CD276: variants seen among roughly 807,000 people sequenced by gnomAD.
The protein encoded by CD276 is CD276 antigen.
Under a neutral mutation model 50.0 loss-of-function variants are expected in CD276, and 34 were observed. The observed-to-expected ratio is 0.68, with a 90% CI of 0.52 to 0.91. The LOEUF is 0.91. CD276 is among the 40% of genes least tolerant of loss of function. CD276 has a pLI of 0.00. For missense variants in CD276, 634 were observed against 717.5 expected (o/e 0.88, Z 1.33); for synonymous variants, 275 against 313.0 (o/e 0.88, Z 1.28).
intron 2 of CD276, 25 bp from the exon 3 acceptor site, chr15:73,702,230 T>C: frequency 6.4e-7 from 1 of 1,562,006 alleles, no homozygotes; most frequent in Non-Finnish European, 8.7e-7. Flanking sequence ...CCCCCTTATA[T>C]GTTCTCCACT....
Position 73,702,494 on chromosome 15 carries a change from C to G in CD276, c.319C>G (p.Leu107Val). Reference protein sequence around the residue: ...PDLLAQGNASLRLQRVRVADE... With the variant: ...PDLLAQGNASVRLQRVRVADE... ...CCTGCTGGCACAGGGCAACGCATCC[C>G]TGAGGCTGCAGCGCGTGCGTGTGGC... The change falls in exon 3 of 10, where the codon CTG becomes GTG. Residue 107 changes from leucine to valine, a missense_variant. By Grantham distance (32) the Leu-to-Val change is conservative. Transcript: ENST00000318443. 1 of 1,613,578 alleles carries G rather than the reference C, an allele frequency of 6.2e-7. No homozygotes were observed. The highest frequency in any genetic ancestry group is 2.2e-5 in the East Asian group (1 of 44,876).
At chr15:73,697,101 GC>G (rs968947537) in intron 1 of CD276, among the ~76,000 whole-genome samples, 2 of 152,212 alleles carry the variant, frequency 1.3e-5, no homozygotes, top group African/African-American at 4.8e-5. Flanking sequence ...GCAGGCAGCT[GC>G]CTGCTGGATC....
Position 73,704,156 on chromosome 15 carries a change from C to G in CD276, c.1073-20C>G, listed in dbSNP as rs761420087. ...CCTGCCATTGCCCTGCCCTTGACCC[C>G]TGCCCTCTGTCACCTCCAGCTCCCT... On this transcript the variant is annotated intron_variant, in intron 5 of 9. Transcript: ENST00000318443. The surrounding 1 kb of genome is among the most constrained non-coding windows in gnomAD (Gnocchi z 4.1). 6.2e-7 allele frequency: 1 copy of G among 1,604,924 alleles called. No homozygotes were observed. Among genetic ancestry groups the G allele is most frequent in the Non-Finnish European group, 8.5e-7 (1 of 1,175,120 alleles).
chr15:73,706,673 A>C (rs921831946), intron 6 of CD276, among the ~76,000 whole-genome samples: 1 of 152,170 alleles, frequency 6.6e-6, no homozygotes, highest in African/African-American at 2.4e-5. Flanking sequence ...GTATCATGTC[A>C]AACATTCTGG....
intron 1 of CD276, among the ~76,000 whole-genome samples, chr15:73,688,035 G>A (rs1430990727): frequency 1.3e-5 from 2 of 152,178 alleles, no homozygotes; most frequent in African/African-American, 4.8e-5. Flanking sequence ...AAGCATCTGC[G>A]AAGAGGAAGG....
At chr15:73,695,481 A>G (rs1017109574) in intron 1 of CD276, among the ~76,000 whole-genome samples, 3 of 152,094 alleles carry the variant, frequency 2.0e-5, no homozygotes, top group African/African-American at 7.2e-5. Context: ...TAAATAGTAT[A>G]CTATACCAAA....
chr15:73,707,185 G>A (rs1050612587), intron 6 of CD276, among the ~76,000 whole-genome samples: 9 of 152,242 alleles, frequency 5.9e-5, no homozygotes, highest in Admixed American at 2.0e-4. Flanking sequence ...ATAGCACCGC[G>A]CACTGCACTG....
chr15:73,712,904 CCT>C (rs1491439045), intron 9 of CD276, 28 bp from the exon 10 acceptor site: 1 of 1,612,176 alleles, frequency 6.2e-7, no homozygotes, highest in East Asian at 2.2e-5. Context: ...TTTTCCCTTC[CCT>C]TTTTTTTCTT....
chr15:73,699,627 G>A lies in CD276; in HGVS notation c.-13G>A, dbSNP rs138043841. 4.5e-5 allele frequency: 73 copies of A among 1,613,194 alleles called. No individual in the cohort carries two copies. The highest frequency in any genetic ancestry group is 5.4e-5 in the Non-Finnish European group (64 of 1,179,780). ...ACCACGGGGAGCCCAGCTGTCAGCCGCCTCACAGGAAGATGCTGCGTCGGC... is the reference window on the plus strand; with the variant it reads ...ACCACGGGGAGCCCAGCTGTCAGCCACCTCACAGGAAGATGCTGCGTCGGC... On this transcript the variant is annotated 5_prime_UTR_variant, in exon 2 of 10. Coordinates refer to ENST00000318443, the MANE Select transcript of CD276 (RefSeq NM_001024736.2).
chr15:73,705,065 G>A (rs1314000902), intron 6 of CD276, among the ~76,000 whole-genome samples: 1 of 152,160 alleles, frequency 6.6e-6, no homozygotes, highest in Non-Finnish European at 1.5e-5. Flanking sequence ...TTCTAGCCTC[G>A]TGGGCACCTC....
rs1490122890 is a variant in CD276, at chr15:73,702,245, C to T, written c.80-10C>T. 1.3e-6 allele frequency: 2 copies of T among 1,596,404 alleles called. No individual in the cohort carries two copies. Among genetic ancestry groups the T allele is most frequent in the Non-Finnish European group, 1.7e-6 (2 of 1,171,486 alleles). On this transcript the variant is annotated splice_polypyrimidine_tract_variant and intron_variant, in intron 2 of 9. Transcript: ENST00000318443. Reference sequence around the variant, plus strand: ...CCCCCTTATATGTTCTCCACTCCCCCTACCCCCAGGAGCCCTGGAGGTCCA... The same window carrying T: ...CCCCCTTATATGTTCTCCACTCCCCTTACCCCCAGGAGCCCTGGAGGTCCA...
rs1310940623 is a variant in CD276 at position 73,714,301 on chromosome 15, T to TA, written c.*1346dup. On this transcript the variant is annotated 3_prime_UTR_variant, in exon 10 of 10. Coordinates refer to ENST00000318443, the MANE Select transcript of CD276 (RefSeq NM_001024736.2). Reference sequence around the variant, plus strand: ...CTGCCCCCCACCCCCACCATGGTGCTATTCTGGGGCTGGGGCAGTCTTTTC... The same window carrying TA: ...CTGCCCCCCACCCCCACCATGGTGCTAATTCTGGGGCTGGGGCAGTCTTTTC... 1 of 163,268 alleles carries TA rather than the reference T, an allele frequency of 6.1e-6. No homozygotes were observed. Among genetic ancestry groups the TA allele is most frequent in the Non-Finnish European group, 1.3e-5 (1 of 76,266 alleles). 10.1% of individuals were successfully genotyped at this position (163,268 alleles called of 1,614,324 possible).
At position 73,713,025 on chromosome 15, in the gene CD276, G is replaced by A; in HGVS notation, c.*69G>A. 6.9e-7 allele frequency: 1 copy of A among 1,448,932 alleles called. No homozygotes were observed. 89.8% of individuals were successfully genotyped at this position (1,448,932 alleles called of 1,614,324 possible). A position where few individuals can be genotyped will look rare whatever the true frequency, so the allele number is the denominator to read the frequency against. ...CCTCTGGCTGCAATGGGGCTGCACT[G>A]TGAGCCCTGCCCCCAACAGATGCAT... On this transcript the variant is annotated 3_prime_UTR_variant, in exon 10 of 10. Transcript: ENST00000318443.
chr15:73,709,886 C>G (rs1900823019), intron 8 of CD276, among the ~76,000 whole-genome samples, 197 bp downstream of exon 8: 1 of 152,194 alleles, frequency 6.6e-6, no homozygotes, highest in Non-Finnish European at 1.5e-5. Context: ...CAGTTCCCTC[C>G]CAGGTGTGGC....
rs561031419 is a variant in CD276 at position 73,713,988 on chromosome 15, G to A, written c.*1032G>A. The A allele has an allele frequency of 1.9e-5, 6 of 310,512 alleles. No homozygotes were observed. Among genetic ancestry groups the A allele is most frequent in the African/African-American group, 1.4e-4 (6 of 42,690 alleles). 19.2% of individuals were successfully genotyped at this position (310,512 alleles called of 1,614,324 possible). On this transcript the variant is annotated 3_prime_UTR_variant, in exon 10 of 10. Coordinates refer to ENST00000318443, the MANE Select transcript of CD276 (RefSeq NM_001024736.2). ...CACTGCACCCTGCGGTTTGCAGGGG[G>A]CTCCTGCCTGGCTCCCTGCTCCACA...
chr15:73,709,484 C>T (rs1900801400), intron 7 of CD276, 164 bp from the exon 8 acceptor site: 6 of 698,362 alleles, frequency 8.6e-6, no homozygotes, highest in East Asian at 5.3e-5. Flanking sequence ...CTCGGCTCTG[C>T]TGTGCTCTGC....
At chr15:73,684,168 C>T (rs1399504067), upstream of CD276, 1 of 151,012 alleles carries the variant, frequency 6.6e-6, no homozygotes, top group Non-Finnish European at 1.5e-5. Context: ...GAGGGTTTTC[C>T]CCGCCAGGGT....
At position 73,708,515 on chromosome 15, in the gene CD276, T is replaced by C. The variant is rs775621253; in HGVS notation, c.1504+42T>C. 44 of 1,587,692 alleles carry C rather than the reference T, an allele frequency of 2.8e-5. No individual in the cohort carries two copies. The Admixed American group carries it at 2.8e-4, about 10-fold the overall frequency. Reference sequence around the variant, plus strand: ...GTGTGTGCGTGCGCATGCACACTTATGTGTCTTGGGGTATGTTGCTGTCTT... The same window carrying C: ...GTGTGTGCGTGCGCATGCACACTTACGTGTCTTGGGGTATGTTGCTGTCTT... On this transcript the variant is annotated intron_variant, in intron 7 of 9. Coordinates refer to ENST00000318443, the MANE Select transcript of CD276 (RefSeq NM_001024736.2).
At chr15:73,700,657 T>G (rs1336040208) in intron 2 of CD276, among the ~76,000 whole-genome samples, 1 of 152,158 alleles carries the variant, frequency 6.6e-6, no homozygotes, top group Non-Finnish European at 1.5e-5. Context: ...GATCTCTAGG[T>G]ACTGCAAAGA....
Sources: allele counts gnomAD v4.1 joint callset (sites outside exome capture counted in the v4.1 genomes callset), GRCh38; gene constraint gnomAD v4.1.1; non-coding constraint Gnocchi (gnomAD v3.1); transcripts MANE v1.5; gene names NCBI Gene and HGNC (gene_info 2026-07-23, HGNC 2026-07-21).